EHBP1: variants seen among roughly 807,000 people sequenced by gnomAD.
EHBP1 encodes the protein EH domain binding protein 1.
Under a neutral mutation model 144.0 loss-of-function variants are expected in EHBP1, and 55 were observed. That is an observed-to-expected ratio of 0.38 (90% CI 0.31 to 0.48). The LOEUF (loss-of-function observed/expected upper bound fraction) is 0.48. EHBP1 is among the 20% of genes least tolerant of loss of function. The pLI is 0.98. For missense variants in EHBP1, 1,200 were observed against 1,364.2 expected (o/e 0.88, Z 1.90); for synonymous variants, 469 against 472.7 (o/e 0.99, Z 0.10).
chr2:62,728,008 T>C (rs1037642535), intron 2 of EHBP1, among the ~76,000 whole-genome samples: 2 of 152,124 alleles, frequency 1.3e-5, no homozygotes, highest in Non-Finnish European at 2.9e-5. Context: ...GAAAAGCCTG[T>C]GAAGGGTAGG....
intron 9 of EHBP1, among the ~76,000 whole-genome samples, chr2:62,867,739 C>T (rs1264531559): frequency 3.3e-5 from 5 of 151,974 alleles, no homozygotes; most frequent in Admixed American, 3.3e-4. Flanking sequence ...ATGAAAGGGA[C>T]TTAGAATAAT....
chr2:62,781,699 C>A (rs976025182), intron 5 of EHBP1, among the ~76,000 whole-genome samples: 1 of 152,084 alleles, frequency 6.6e-6, no homozygotes, highest in African/African-American at 2.4e-5. Context: ...AGATTACTTT[C>A]TTTTATATTT....
In EHBP1 at chr2:62,705,773, G is replaced by C. The variant is rs2151780126; in HGVS notation, c.-575G>C. 6.6e-6 allele frequency: 1 copy of C among 151,636 alleles called. No homozygotes were observed. The highest frequency in any genetic ancestry group is 2.0e-4 in the South Asian group (1 of 4,950). The allele number at this position is 151,636 out of a possible 1,614,324, so 9.4% of individuals were successfully genotyped here. On this transcript the variant is annotated 5_prime_UTR_variant, in exon 1 of 23. Coordinates refer to ENST00000431489, the MANE Select transcript of EHBP1 (RefSeq NM_001142616.3). ...GGTGGCGGAGGAGAAAGGCGGGGGA[G>C]GGGGTGCTGGGCGCTGAGCGGTGGC...
At chr2:62,862,499 C>A (rs6545974) in intron 8 of EHBP1, among the ~76,000 whole-genome samples, 123,543 of 151,762 alleles carry the variant, frequency 0.81, 50,654 homozygotes, top group African/African-American at 0.91. Flanking sequence ...AATCCCAGCT[C>A]CTCAGGAGGT....
intron 19 of EHBP1, among the ~76,000 whole-genome samples, chr2:63,006,754 A>C (rs1209272012): frequency 6.6e-6 from 1 of 151,782 alleles, no homozygotes; most frequent in Non-Finnish European, 1.5e-5. Flanking sequence ...TTCCTGAAAA[A>C]TTTTATTTAA....
chr2:62,810,403 G>A (rs1039483401), intron 5 of EHBP1, among the ~76,000 whole-genome samples: 1 of 152,208 alleles, frequency 6.6e-6, no homozygotes, highest in Non-Finnish European at 1.5e-5. Context: ...AGTGACAGTA[G>A]AGATGGGAAG....
chr2:62,902,304 C>G (rs189310344), intron 10 of EHBP1, among the ~76,000 whole-genome samples: 47 of 151,938 alleles, frequency 3.1e-4, no homozygotes, highest in South Asian at 1.9e-3. Context: ...TGTTGATGCA[C>G]TAGTGCCTAA....
In EHBP1 at chr2:62,939,047, C is replaced by G. The variant is rs565319437; in HGVS notation, c.1186-3671C>G. 7.2e-5 allele frequency among the ~76,000 whole-genome samples: 11 copies of G among 152,182 alleles called. No individual in the cohort carries two copies. In the South Asian group the frequency reaches 2.3e-3, roughly 32 times the overall value. On this transcript the variant is annotated intron_variant, in intron 10 of 22. Coordinates refer to ENST00000431489, the MANE Select transcript of EHBP1 (RefSeq NM_001142616.3). Reference sequence around the variant, plus strand: ...GTATTTACTGAGTGCCTATGCTGTACCAGGCACTGTTCTGGGCATTTGATT... The same window carrying G: ...GTATTTACTGAGTGCCTATGCTGTAGCAGGCACTGTTCTGGGCATTTGATT...
At chr2:62,780,963 T>C (rs982983888) in intron 5 of EHBP1, among the ~76,000 whole-genome samples, 22 of 152,342 alleles carry the variant, frequency 1.4e-4, no homozygotes, top group Non-Finnish European at 2.9e-4. Context: ...AGTACTGCAA[T>C]AGTATAAAAA....
chr2:62,975,897 C>T (rs1357787678), intron 14 of EHBP1, among the ~76,000 whole-genome samples: 4 of 140,778 alleles, frequency 2.8e-5, no homozygotes, highest in African/African-American at 1.1e-4. Flanking sequence ...TACACACACA[C>T]ACACACACAC....
chr2:62,803,882 C>G (rs892710201), intron 5 of EHBP1, among the ~76,000 whole-genome samples: 2 of 152,072 alleles, frequency 1.3e-5, no homozygotes, highest in Non-Finnish European at 2.9e-5. Context: ...AGTTCCTCCA[C>G]TCACTAGCAA....
chr2:63,045,616 T>A lies in EHBP1; in HGVS notation c.*116T>A. 2 of 796,796 alleles carry A rather than the reference T, an allele frequency of 2.5e-6. No individual in the cohort carries two copies. Among genetic ancestry groups the A allele is most frequent in the South Asian group, 1.7e-5 (1 of 58,288 alleles). The allele number at this position is 796,796 out of a possible 1,614,324, so 49.4% of individuals were successfully genotyped here. ...AACATTTTGTTTGGCTGGATTGTACTACTTTACCTCTACTTTACCACCACC... is the reference window on the plus strand; with the variant it reads ...AACATTTTGTTTGGCTGGATTGTACAACTTTACCTCTACTTTACCACCACC... On this transcript the variant is annotated 3_prime_UTR_variant, in exon 23 of 23. Coordinates refer to ENST00000431489, the MANE Select transcript of EHBP1 (RefSeq NM_001142616.3). The surrounding 1 kb of genome is among the most constrained non-coding windows in gnomAD (Gnocchi z 5.7).
At chr2:62,714,580 T>C (rs1297923584) in intron 2 of EHBP1, among the ~76,000 whole-genome samples, 2 of 152,214 alleles carry the variant, frequency 1.3e-5, no homozygotes, top group African/African-American at 2.4e-5. Context: ...TAGAGTTGTT[T>C]TGAAGATTAA....
intron 12 of EHBP1, among the ~76,000 whole-genome samples, chr2:62,944,787 A>C (rs1016026234): frequency 6.6e-6 from 1 of 152,210 alleles, no homozygotes; most frequent in African/African-American, 2.4e-5. Flanking sequence ...TTACCCCAGC[A>C]CACAGTATGT....
chr2:62,927,869 A>G (rs1481979406), intron 10 of EHBP1, among the ~76,000 whole-genome samples: 1 of 152,242 alleles, frequency 6.6e-6, no homozygotes, highest in Non-Finnish European at 1.5e-5. Flanking sequence ...AGTTACAATA[A>G]AATTTAAAAG....
intron 5 of EHBP1, among the ~76,000 whole-genome samples, chr2:62,798,559 G>A (rs764069610): frequency 1.3e-5 from 2 of 152,036 alleles, no homozygotes; most frequent in African/African-American, 2.4e-5. Context: ...CTCAATTTAC[G>A]TATCTATAAA....
chr2:62,996,985 T>C (rs974094045), intron 19 of EHBP1, among the ~76,000 whole-genome samples: 4 of 152,078 alleles, frequency 2.6e-5, no homozygotes, highest in Non-Finnish European at 4.4e-5. Flanking sequence ...GCCAGCACTA[T>C]TGAACAGTGT....
At chr2:62,905,420 A>G (rs1435885202) in intron 10 of EHBP1, among the ~76,000 whole-genome samples, 2 of 152,220 alleles carry the variant, frequency 1.3e-5, no homozygotes, top group Non-Finnish European at 2.9e-5. Flanking sequence ...TGAGAACTAG[A>G]CAGGGACTAG....
intron 7 of EHBP1, among the ~76,000 whole-genome samples, chr2:62,850,090 A>G (rs1050170454): frequency 1.3e-5 from 2 of 152,204 alleles, no homozygotes; most frequent in Non-Finnish European, 2.9e-5. Flanking sequence ...GAGGAGAATC[A>G]GGAGATGCTA....
Sources: allele counts gnomAD v4.1 joint callset (sites outside exome capture counted in the v4.1 genomes callset), GRCh38; gene constraint gnomAD v4.1.1; non-coding constraint Gnocchi (gnomAD v3.1); transcripts MANE v1.5; gene names NCBI Gene and HGNC (gene_info 2026-07-23, HGNC 2026-07-21).